Variants in GPC6 observed in about 807,000 individuals in gnomAD.
GPC6 encodes glypican-6.
Under a neutral mutation model 55.2 loss-of-function variants are expected in GPC6, and 14 were observed. The ratio of observed to expected loss-of-function variants is 0.25; its 90% CI spans 0.17 to 0.40. The LOEUF is 0.40. Among genes scored for constraint, GPC6 ranks in the 10% least tolerant of loss-of-function variants. The pLI, the probability that GPC6 is intolerant of heterozygous loss-of-function variation, is 1.00. For missense variants in GPC6, 641 were observed against 708.5 expected, an observed-to-expected ratio of 0.90 and a Z score of 1.08; for synonymous variants, 278 against 259.6, an observed-to-expected ratio of 1.07 and a Z score of -0.68.
chr13:94,131,519 T>C lies in GPC6; in HGVS notation c.877+103625T>C, dbSNP rs189393535. The stretch of plus-strand genomic sequence containing the variant: ...TTTTCAAGTTTGAATGTCAATTAAT[T>C]TGAGAAATGATGGTCTTGAGAATTG... On this transcript the variant is annotated intron_variant, in intron 4 of 8. Coordinates refer to ENST00000377047, the MANE Select transcript of GPC6 (RefSeq NM_005708.5). Among the ~76,000 whole-genome samples the C allele has an allele frequency of 4.6e-5, 7 of 152,322 alleles. No homozygotes were observed. In the East Asian group the frequency reaches 1.2e-3, roughly 25 times the overall value.
intron 2 of GPC6, among the ~76,000 whole-genome samples, chr13:93,723,325 A>G (rs1411376598): frequency 1.3e-5 from 2 of 151,888 alleles, no homozygotes; most frequent in Non-Finnish European, 2.9e-5. Context: ...TATGGGAGGC[A>G]GTTTCTGATG....
intron 4 of GPC6, among the ~76,000 whole-genome samples, chr13:94,158,456 A>T (rs1395331742): frequency 6.6e-6 from 1 of 152,142 alleles, no homozygotes; most frequent in Non-Finnish European, 1.5e-5. Context: ...AGAGAACACA[A>T]TTCATAAATG....
At chr13:93,454,292 G>A (rs955812265) in intron 1 of GPC6, among the ~76,000 whole-genome samples, 5 of 150,992 alleles carry the variant, frequency 3.3e-5, no homozygotes, top group Admixed American at 6.6e-5. Context: ...GTCCATTGGT[G>A]TACTCACAAA....
chr13:93,389,225 C>T (rs572393540), intron 1 of GPC6, among the ~76,000 whole-genome samples: 2 of 152,072 alleles, frequency 1.3e-5, no homozygotes, highest in East Asian at 1.9e-4. Flanking sequence ...CTGCCAGGCA[C>T]GGTGGCTTAT....
At chr13:93,289,082 C>A (rs1320510679) in intron 1 of GPC6, among the ~76,000 whole-genome samples, 1 of 152,190 alleles carries the variant, frequency 6.6e-6, no homozygotes, top group Admixed American at 6.5e-5. Context: ...TTAAGAGTGA[C>A]AATTGCCACA....
At chr13:93,581,703 C>CAAAAGAAA (rs1323442911) in intron 2 of GPC6, among the ~76,000 whole-genome samples, 3 of 151,588 alleles carry the variant, frequency 2.0e-5, no homozygotes, top group Non-Finnish European at 4.4e-5. Context: ...GACCCTGTCT[C>CAAAAGAAA]AAAAGAAAAA....
At chr13:93,639,337 C>T (rs1442583882) in intron 2 of GPC6, among the ~76,000 whole-genome samples, 1 of 151,998 alleles carries the variant, frequency 6.6e-6, no homozygotes, top group African/African-American at 2.4e-5. Flanking sequence ...GTGGCTGCTG[C>T]AGTGGGGTTG....
chr13:94,211,859 G>T (rs2138989781), intron 4 of GPC6, among the ~76,000 whole-genome samples: 1 of 152,240 alleles, frequency 6.6e-6, no homozygotes, highest in African/African-American at 2.4e-5. Flanking sequence ...AGCCCAATAT[G>T]GCACATAATT....
chr13:93,527,080 T>C (rs1280943110), intron 1 of GPC6, among the ~76,000 whole-genome samples: 2 of 152,062 alleles, frequency 1.3e-5, no homozygotes, highest in African/African-American at 4.8e-5. Flanking sequence ...AAAGGAATTA[T>C]TTAGAGTTTT....
At chr13:93,966,615 A>C (rs2140389707) in intron 3 of GPC6, among the ~76,000 whole-genome samples, 1 of 151,792 alleles carries the variant, frequency 6.6e-6, no homozygotes, top group African/African-American at 2.4e-5. Flanking sequence ...TTTAGGAGAA[A>C]ATGAGACTTT....
chr13:93,314,374 C>T (rs561161359), intron 1 of GPC6, among the ~76,000 whole-genome samples: 7 of 152,192 alleles, frequency 4.6e-5, no homozygotes, highest in Non-Finnish European at 7.4e-5. Context: ...CAGTGAAAGA[C>T]GTTCAGAGCA....
At chr13:93,401,155 CGT>C (rs5805802) in intron 1 of GPC6, among the ~76,000 whole-genome samples, 2,806 of 143,492 alleles carry the variant, frequency 0.02, 65 homozygotes, top group African/African-American at 0.056. Context: ...AGGTATTTGT[CGT>C]GTGTGTGTGT....
intron 2 of GPC6, among the ~76,000 whole-genome samples, chr13:93,610,233 T>G (rs917616445): frequency 1.3e-5 from 2 of 152,202 alleles, no homozygotes; most frequent in East Asian, 3.9e-4. Flanking sequence ...GGGAGGACAG[T>G]AGTGATTCAA....
chr13:93,614,462 C>G (rs1158863553), intron 2 of GPC6, among the ~76,000 whole-genome samples: 1 of 152,102 alleles, frequency 6.6e-6, no homozygotes, highest in Non-Finnish European at 1.5e-5. Context: ...TCTCTGTTTT[C>G]TCATCTGCAA....
At chr13:94,312,720 G>A (rs1022067419) in intron 6 of GPC6, among the ~76,000 whole-genome samples, 93 of 136,266 alleles carry the variant, frequency 6.8e-4, no homozygotes, top group African/African-American at 2.5e-3. Context: ...ACACGCGCAC[G>A]CACACACACA....
intron 3 of GPC6, among the ~76,000 whole-genome samples, chr13:93,900,313 T>C (rs1360994542): frequency 6.6e-6 from 1 of 152,192 alleles, no homozygotes; most frequent in Non-Finnish European, 1.5e-5. Flanking sequence ...GCCTCTTCCA[T>C]ATCTAGCTGA....
At chr13:93,335,117 G>A (rs1880000507) in intron 1 of GPC6, among the ~76,000 whole-genome samples, 1 of 152,102 alleles carries the variant, frequency 6.6e-6, no homozygotes, top group African/African-American at 2.4e-5. Flanking sequence ...CCCCATGTCA[G>A]TGGCATAGCT....
chr13:94,073,851 A>G (rs1232247071), intron 4 of GPC6, among the ~76,000 whole-genome samples: 1 of 152,362 alleles, frequency 6.6e-6, no homozygotes, highest in South Asian at 2.1e-4. Context: ...AAAAAATGAC[A>G]TAAATGGTGC....
chr13:93,477,359 A>AT (rs1879338219), intron 1 of GPC6, among the ~76,000 whole-genome samples: 1 of 152,182 alleles, frequency 6.6e-6, no homozygotes, highest in South Asian at 2.1e-4. Flanking sequence ...AGAGAAAGGA[A>AT]GATCCCTCTT....
Sources: allele counts gnomAD v4.1 joint callset (sites outside exome capture counted in the v4.1 genomes callset), GRCh38; gene constraint gnomAD v4.1.1; transcripts MANE v1.5; gene names NCBI Gene and HGNC (gene_info 2026-07-23, HGNC 2026-07-21).